The following DYRK1A variants were observed in gnomAD, a reference collection of about 807,000 sequenced individuals.
DYRK1A encodes the protein dual specificity tyrosine-phosphorylation-regulated kinase 1A.
DYRK1A carries 9 observed loss-of-function variants against 79.7 expected under a neutral mutation model. The ratio of observed to expected loss-of-function variants is 0.11; its 90% CI spans 0.07 to 0.20. DYRK1A has a LOEUF of 0.20. Ranked by LOEUF, DYRK1A falls within the 10% of genes least tolerant of loss-of-function variation. DYRK1A has a pLI of 1.00. For missense variants in DYRK1A, 622 were observed against 956.0 expected, an observed-to-expected ratio of 0.65 and a Z score of 4.61; for synonymous variants, 349 against 329.7, an observed-to-expected ratio of 1.06 and a Z score of -0.63.
Position 37,505,433 on chromosome 21 carries a change from C to G in DYRK1A, c.1363C>G (p.Pro455Ala), listed in dbSNP as rs756860738. ...CATTTTAAGGATGCTTGATTATGAC[C>G]CCAAAACTCGAATTCAACCTTATTA... is the stretch of plus-strand genomic sequence containing the variant. Reference protein sequence around the residue: ...DLILRMLDYDPKTRIQPYYAL... With the variant: ...DLILRMLDYDAKTRIQPYYAL... The change falls in exon 10 of 12, where the codon CCC (proline) becomes GCC (alanine). Residue 455 changes from proline (P) to alanine (A), a missense_variant. By Grantham distance (27) the Pro-to-Ala change is conservative. Around this residue, in one of 5 missense-constraint regions of DYRK1A, gnomAD observed 80 missense variants for 116.5 expected, o/e 0.69. Transcript: ENST00000647188. 3 of 1,614,050 alleles carry G rather than the reference C, an allele frequency of 1.9e-6. No homozygotes were observed. The highest frequency in any genetic ancestry group is 2.5e-6 in the Non-Finnish European group (3 of 1,180,022).
intron 1 of DYRK1A, among the ~76,000 whole-genome samples, chr21:37,375,473 C>T (rs2049518290): frequency 6.9e-6 from 1 of 144,504 alleles, no homozygotes; most frequent in African/African-American, 2.6e-5. Context: ...ATCTGGAATT[C>T]TCTAGTTTAA....
rs183514147 is a variant in DYRK1A, at chr21:37,448,287, C to T, written c.11-24397C>T. On this transcript the variant is annotated intron_variant, in intron 2 of 11. Coordinates refer to ENST00000647188, the MANE Select transcript of DYRK1A (RefSeq NM_001347721.2). Reference sequence around the variant, plus strand: ...AGGCTTTTTATGACAAGTATTAAAGCACTTTGTACTGTATTACTGGTATTT... The same window carrying T: ...AGGCTTTTTATGACAAGTATTAAAGTACTTTGTACTGTATTACTGGTATTT... Among the ~76,000 whole-genome samples the T allele has an allele frequency of 7.9e-5, 12 of 152,238 alleles. No homozygotes were observed. The East Asian group carries it at 2.3e-3, about 29-fold the overall frequency.
intron 2 of DYRK1A, among the ~76,000 whole-genome samples, 173 bp from the exon 3 acceptor site, chr21:37,472,511 A>C (rs1441463004): frequency 6.6e-6 from 1 of 152,240 alleles, no homozygotes; most frequent in Non-Finnish European, 1.5e-5. Context: ...TGGATCTTCT[A>C]TACCATTAAA....
At chr21:37,419,378 T>A (rs1602450212) in intron 1 of DYRK1A, 2 of 152,158 alleles carry the variant, frequency 1.3e-5, no homozygotes, top group African/African-American at 4.8e-5. Context: ...AACAGCTTAT[T>A]TTAGAATTTG....
chr21:37,484,824 G>A (rs764638164), intron 5 of DYRK1A, among the ~76,000 whole-genome samples: 1 of 152,172 alleles, frequency 6.6e-6, no homozygotes, highest in Non-Finnish European at 1.5e-5. Context: ...TGACGATAGA[G>A]TCCTGCTTGA....
chr21:37,412,503 G>A (rs1282054286), intron 1 of DYRK1A, among the ~76,000 whole-genome samples: 5 of 152,156 alleles, frequency 3.3e-5, no homozygotes, highest in African/African-American at 1.2e-4. Flanking sequence ...ATTTTTGGGA[G>A]TAGAGTCTGA....
chr21:37,488,731 T>C (rs1389598543), intron 6 of DYRK1A: 1 of 985,294 alleles, frequency 1.0e-6, no homozygotes, highest in Non-Finnish European at 1.2e-6. Context: ...TGGACGAACA[T>C]TGTGATCACA....
At chr21:37,448,479 A>AG in intron 2 of DYRK1A, among the ~76,000 whole-genome samples, 1 of 152,362 alleles carries the variant, frequency 6.6e-6, no homozygotes, top group African/African-American at 2.4e-5. Context: ...AAAGCTCTGC[A>AG]AGTGAGCTAT....
chr21:37,448,157 T>C (rs997169683), intron 2 of DYRK1A, among the ~76,000 whole-genome samples: 4 of 152,216 alleles, frequency 2.6e-5, no homozygotes, highest in Non-Finnish European at 4.4e-5. Context: ...GTTGAGTGTT[T>C]GTTACATAGA....
At position 37,524,842 on chromosome 21, in the gene DYRK1A, T is replaced by C. The variant is rs1280161655; in HGVS notation, c.*12311T>C. The C allele has an allele frequency of 1.3e-5, 2 of 152,318 alleles. No homozygotes were observed. Among genetic ancestry groups the C allele is most frequent in the Non-Finnish European group, 2.9e-5 (2 of 68,098 alleles). The allele number at this position is 152,318 out of a possible 1,614,324, so 9.4% of individuals were successfully genotyped here. A position where few individuals can be genotyped will look rare whatever the true frequency, so the allele number is the denominator to read the frequency against. On this transcript the variant is annotated 3_prime_UTR_variant, in exon 12 of 12. Coordinates refer to ENST00000647188, the MANE Select transcript of DYRK1A (RefSeq NM_001347721.2). ...GGTCAGGTGTGGCGGCTCATGCCTA[T>C]AGTCCCAACACTTTGGGAGGCCAAG...
chr21:37,367,653 C>A (rs1391943221), intron 1 of DYRK1A, 25 bp downstream of exon 1: 1 of 146,008 alleles, frequency 6.8e-6, no homozygotes, highest in East Asian at 2.0e-4. Flanking sequence ...CGGCCGCGGC[C>A]CCGCCCGGCC....
chr21:37,462,984 C>A (rs552130601), intron 2 of DYRK1A, among the ~76,000 whole-genome samples: 1 of 152,150 alleles, frequency 6.6e-6, no homozygotes, highest in Non-Finnish European at 1.5e-5. Flanking sequence ...TCTGATAATA[C>A]AAATTCCTAA....
chr21:37,444,554 G>A (rs931254099), intron 2 of DYRK1A, among the ~76,000 whole-genome samples: 10 of 151,734 alleles, frequency 6.6e-5, no homozygotes, highest in Non-Finnish European at 1.2e-4. Flanking sequence ...GGAGTCATGA[G>A]GTAAGAACAG....
Position 37,512,237 on chromosome 21 carries a change from G to A in DYRK1A, c.1971G>A (p.Ser657=), listed in dbSNP as rs755724183. 7.4e-6 allele frequency: 12 copies of A among 1,614,114 alleles called. No individual in the cohort carries two copies. The highest frequency in any genetic ancestry group is 4.0e-5 in the African/African-American group (3 of 75,018). The change falls in exon 12 of 12, where the codon TCG becomes TCA. Residue 657 remains serine, a synonymous_variant. Coordinates refer to ENST00000647188, the MANE Select transcript of DYRK1A (RefSeq NM_001347721.2). The part of the protein sequence containing the change: ...TSLSSSTTSS[S]TSSSSTGNQG... ...TGTCTTCCTCAACGACTTCTTCCTC[G>A]ACATCTTCCTCCTCTACTGGTAACC...
intron 1 of DYRK1A, among the ~76,000 whole-genome samples, chr21:37,402,757 TCTTTCC>T (rs1299277540): frequency 2.0e-5 from 3 of 152,032 alleles, no homozygotes; most frequent in African/African-American, 7.2e-5. Flanking sequence ...TTTCCCTTTC[TCTTTCC>T]CTTTCCTTTT....
intron 1 of DYRK1A, among the ~76,000 whole-genome samples, chr21:37,403,645 A>T (rs2050094084): frequency 9.7e-6 from 1 of 102,612 alleles, no homozygotes; most frequent in Admixed American, 9.9e-5. Context: ...AAAAAAAAAA[A>T]AAAATATATA....
Position 37,479,612 on chromosome 21 carries a change from GTTT to G in DYRK1A, c.301-1022_301-1020del, listed in dbSNP as rs367673016. Among the ~76,000 whole-genome samples, 39 of 47,180 alleles carry G rather than the reference GTTT, an allele frequency of 8.3e-4. 1 individual carries two copies. The highest frequency in any genetic ancestry group is 3.2e-3 in the African/African-American group (38 of 11,714). 31.0% of individuals were successfully genotyped at this position (47,180 alleles called of 152,430 possible). ...GTGTTTTGTTTTTGTTTTTGTTTTT[GTTT>G]TTTGTTTTTTTTTTTTTTTTTGGAG... On this transcript the variant is annotated intron_variant, in intron 4 of 11. Transcript: ENST00000647188.
At chr21:37,480,910 T>C in intron 5 of DYRK1A, 84 bp downstream of exon 5, 1 of 1,128,908 alleles carries the variant, frequency 8.9e-7, no homozygotes, top group Non-Finnish European at 1.3e-6. Context: ...TCCTCAAGAG[T>C]GTACTTTTAA....
intron 2 of DYRK1A, among the ~76,000 whole-genome samples, chr21:37,440,329 G>A (rs1338761812): frequency 6.6e-6 from 1 of 151,260 alleles, no homozygotes; most frequent in Non-Finnish European, 1.5e-5. Context: ...TAGAGACAGG[G>A]TTTCACCATG....
Sources: allele counts gnomAD v4.1 joint callset (sites outside exome capture counted in the v4.1 genomes callset), GRCh38; gene constraint gnomAD v4.1.1; regional missense constraint gnomAD v4.1.1; transcripts MANE v1.5; gene names NCBI Gene and HGNC (gene_info 2026-07-23, HGNC 2026-07-21).